The following GRK4 variants were observed in gnomAD, a reference collection of about 807,000 sequenced individuals.
The protein encoded by GRK4 is G protein-coupled receptor kinase 4.
GRK4 carries 73 observed loss-of-function variants against 77.9 expected under a neutral mutation model. The ratio of observed to expected loss-of-function variants is 0.94; its 90% confidence interval spans 0.78 to 1.14. The LOEUF (loss-of-function observed/expected upper bound fraction) is 1.14. GRK4 is among the 50% of genes most tolerant of loss of function. The pLI is 0.00. For synonymous variants in GRK4, 257 were observed against 254.4 expected (o/e 1.01, Z -0.10); for missense variants, 729 against 700.2 (o/e 1.04, Z -0.46).
At chr4:3,024,185 G>A (rs1257752697) in intron 10 of GRK4, among the ~76,000 whole-genome samples, 1 of 152,168 alleles carries the variant, frequency 6.6e-6, no homozygotes, top group Non-Finnish European at 1.5e-5. Context: ...GATGGTTGCT[G>A]GGCCAGTTCC....
rs74886505 is a variant in GRK4, at chr4:2,988,599, T to C, written c.149-128T>C. Reference sequence around the variant, plus strand: ...ACAAACAACAACAACAACAACAAGATGAAAATAATACGGCAAATACTGTTC... The same window carrying C: ...ACAAACAACAACAACAACAACAAGACGAAAATAATACGGCAAATACTGTTC... On this transcript the variant is annotated intron_variant, in intron 2 of 15. Coordinates refer to ENST00000398052, the MANE Select transcript of GRK4 (RefSeq NM_182982.3). 3.3e-3 allele frequency: 1,852 copies of C among 568,118 alleles called. 31 individuals are homozygous for C. The highest frequency in any genetic ancestry group is 0.032 in the African/African-American group (1,632 of 51,520). 35.2% of individuals were successfully genotyped at this position (568,118 alleles called of 1,614,324 possible).
chr4:2,975,564 C>G lies in GRK4; in HGVS notation c.53-8949C>G, dbSNP rs183963650. On this transcript the variant is annotated intron_variant, in intron 1 of 15. Transcript: ENST00000398052. ...TCCTTGATTAGCGCCCAGTTCTGCC[C>G]TCACCTGTGTTCACTGTGTCCCATG... Among the ~76,000 whole-genome samples the G allele has an allele frequency of 8.5e-5, 13 of 152,266 alleles. No homozygotes were observed. In the East Asian group the frequency reaches 1.9e-3, roughly 23 times the overall value.
At position 3,022,413 on chromosome 4, in the gene GRK4, G is replaced by A; in HGVS notation, c.933-1G>A. ...GGGCCTTTTGTTGTTGTTTCTTGTA[G>A]AGACTTGAAGCCTGAGAATATTCTC... is the stretch of plus-strand genomic sequence containing the variant. On this transcript the variant is annotated splice_acceptor_variant, in intron 9 of 15. Transcript: ENST00000398052. LOFTEE classifies it high-confidence loss of function. The A allele has an allele frequency of 6.2e-7, 1 of 1,613,778 alleles. No individual in the cohort carries two copies. Among genetic ancestry groups the A allele is most frequent in the Non-Finnish European group, 8.5e-7 (1 of 1,179,886 alleles).
At chr4:3,001,142 G>GGTATATATGTGTATGTGTATATATAT (rs1560422814) in intron 4 of GRK4, among the ~76,000 whole-genome samples, 4 of 109,452 alleles carry the variant, frequency 3.7e-5, no homozygotes, top group East Asian at 4.9e-4. Flanking sequence ...TATATATATA[G>GGTATATATGTGTATGTGTATATATAT]GTATATATGT....
chr4:3,040,294 A>G (rs1235118697), intron 15 of GRK4, among the ~76,000 whole-genome samples: 1 of 151,964 alleles, frequency 6.6e-6, no homozygotes, highest in Non-Finnish European at 1.5e-5. Context: ...TACAAAACTT[A>G]GCAGGGTGTG....
intron 7 of GRK4, among the ~76,000 whole-genome samples, chr4:3,013,193 G>A (rs897619953): frequency 2.6e-5 from 4 of 151,480 alleles, no homozygotes; most frequent in African/African-American, 7.3e-5. Context: ...ACAGGCACCC[G>A]CCACCATGCC....
chr4:3,001,181 A>ATG (rs1175172255), intron 4 of GRK4, among the ~76,000 whole-genome samples: 1 of 109,272 alleles, frequency 9.2e-6, no homozygotes, highest in Non-Finnish European at 1.8e-5. Context: ...ATATATGTGT[A>ATG]TGTGTATATA....
intron 11 of GRK4, among the ~76,000 whole-genome samples, chr4:3,028,461 C>T (rs928407034): frequency 2.6e-5 from 4 of 152,150 alleles, no homozygotes; most frequent in Non-Finnish European, 4.4e-5. Flanking sequence ...TCCGCTCTTG[C>T]GTCTTGTGGG....
At chr4:3,016,289 T>A (rs981304045) in intron 8 of GRK4, among the ~76,000 whole-genome samples, 21 of 150,860 alleles carry the variant, frequency 1.4e-4, no homozygotes, top group Admixed American at 4.6e-4. Flanking sequence ...GGCCAAGGCC[T>A]GCAGATCACC....
chr4:3,020,392 A>C (rs1162153090), intron 9 of GRK4, among the ~76,000 whole-genome samples: 3 of 152,186 alleles, frequency 2.0e-5, no homozygotes, highest in Non-Finnish European at 4.4e-5. Flanking sequence ...TACTCATGTA[A>C]GCATAAGAAG....
At chr4:2,972,235 G>A (rs1258248960) in intron 1 of GRK4, among the ~76,000 whole-genome samples, 4 of 152,194 alleles carry the variant, frequency 2.6e-5, no homozygotes, top group African/African-American at 9.7e-5. Context: ...TTTAGTGTCT[G>A]TGGATGGTCC....
chr4:3,015,674 CAAA>C (rs57839670), intron 8 of GRK4, among the ~76,000 whole-genome samples: 9 of 91,566 alleles, frequency 9.8e-5, no homozygotes, highest in Admixed American at 2.4e-4. Flanking sequence ...GACTCCATCT[CAAA>C]AAAAAAAAAA....
rs1578166016 is a variant in GRK4, at chr4:3,001,237, G to A, written c.340-2994G>A. Reference sequence around the variant, plus strand: ...TATATATATGTATATATGTGTATGTGTATATATATACATATATGTATATAT... The same window carrying A: ...TATATATATGTATATATGTGTATGTATATATATATACATATATGTATATAT... On this transcript the variant is annotated intron_variant, in intron 4 of 15. Coordinates refer to ENST00000398052, the MANE Select transcript of GRK4 (RefSeq NM_182982.3). Among the ~76,000 whole-genome samples, 4 of 133,862 alleles carry A rather than the reference G, an allele frequency of 3.0e-5. 1 individual carries two copies. The East Asian group carries it at 8.3e-4, about 28-fold the overall frequency. 87.8% of individuals were successfully genotyped at this position (133,862 alleles called of 152,430 possible).
intron 3 of GRK4, among the ~76,000 whole-genome samples, chr4:2,991,925 C>T (rs1726304274): frequency 6.6e-6 from 1 of 152,180 alleles, no homozygotes; most frequent in East Asian, 1.9e-4. Context: ...GCCTCATACA[C>T]CTTACTTTCC....
intron 9 of GRK4, among the ~76,000 whole-genome samples, chr4:3,022,118 C>T (rs994776229): frequency 7.2e-5 from 11 of 152,160 alleles, no homozygotes; most frequent in African/African-American, 2.2e-4. Flanking sequence ...AATTGTGCCA[C>T]GTTCATTAAG....
chr4:2,982,054 G>A (rs2109536467), intron 1 of GRK4, among the ~76,000 whole-genome samples: 1 of 152,384 alleles, frequency 6.6e-6, no homozygotes, highest in East Asian at 1.9e-4. Context: ...AGCAGTGAGA[G>A]GCCAGTCAGT....
intron 5 of GRK4, among the ~76,000 whole-genome samples, chr4:3,004,551 A>G (rs373469770): frequency 2.0e-5 from 3 of 152,320 alleles, no homozygotes; most frequent in East Asian, 3.9e-4. Context: ...CCATTAGCCT[A>G]CTGTTGACCA....
chr4:3,037,112 G>A (rs1369800771), intron 13 of GRK4, among the ~76,000 whole-genome samples: 1 of 147,090 alleles, frequency 6.8e-6, no homozygotes, highest in Non-Finnish European at 1.5e-5. Context: ...TGAGAAAGAG[G>A]GAGAGAGCCA....
In GRK4 at chr4:3,009,643, A is replaced by G; in HGVS notation, c.537-5A>G. ...GACCTGAAACTTGTTTTTCTCATTGATTAGGCAACCCGTAACAAAGAACAC... is the reference window on the plus strand; with the variant it reads ...GACCTGAAACTTGTTTTTCTCATTGGTTAGGCAACCCGTAACAAAGAACAC... On this transcript the variant is annotated splice_polypyrimidine_tract_variant and splice_region_variant and intron_variant, in intron 6 of 15. Coordinates refer to ENST00000398052, the MANE Select transcript of GRK4 (RefSeq NM_182982.3). 1.2e-6 allele frequency: 2 copies of G among 1,612,578 alleles called. No individual in the cohort carries two copies. The highest frequency in any genetic ancestry group is 1.7e-6 in the Non-Finnish European group (2 of 1,178,930).
Sources: gnomAD v4.1 joint callset for allele counts (sites outside exome capture counted in the v4.1 genomes callset) on GRCh38, gnomAD v4.1.1 for gene constraint, MANE v1.5 for transcripts, NCBI Gene and HGNC (gene_info 2026-07-23, HGNC 2026-07-21) for gene names.